The following NRXN3 variants were observed in gnomAD, a reference collection of about 807,000 sequenced individuals.
NRXN3 encodes the protein neurexin III.
In NRXN3, 32 loss-of-function variants were observed where a neutral mutation model predicts 137.6. The ratio of observed to expected loss-of-function variants is 0.23; its 90% confidence interval spans 0.18 to 0.31. The LOEUF is 0.31. Among genes scored for constraint, NRXN3 ranks in the 10% least tolerant of loss-of-function variants. The pLI, the probability that NRXN3 is intolerant of heterozygous loss-of-function variation, is 1.00. For synonymous variants in NRXN3, 798 were observed against 784.5 expected (o/e 1.02, Z -0.29); for missense variants, 1,574 against 2,062.5 (o/e 0.76, Z 4.59).
At chr14:79,496,318 C>T (rs775606129) in intron 16 of NRXN3, among the ~76,000 whole-genome samples, 25 of 151,830 alleles carry the variant, frequency 1.6e-4, no homozygotes, top group Admixed American at 5.3e-4. Context: ...TAGTTACTAG[C>T]GCAGTAAGAG....
intron 15 of NRXN3, among the ~76,000 whole-genome samples, chr14:78,999,141 T>C (rs908137543): frequency 1.3e-5 from 2 of 152,168 alleles, no homozygotes; most frequent in Non-Finnish European, 2.9e-5. Context: ...TACCTTGTAG[T>C]GTTTTGGCCA....
chr14:79,782,114 G>A (rs539890274), intron 19 of NRXN3, among the ~76,000 whole-genome samples: 5 of 152,224 alleles, frequency 3.3e-5, no homozygotes, highest in East Asian at 1.9e-4. Context: ...ACTAATGCTC[G>A]AAGTATTAAG....
chr14:78,461,584 G>C (rs1377035727), intron 4 of NRXN3, among the ~76,000 whole-genome samples: 2 of 152,174 alleles, frequency 1.3e-5, no homozygotes, highest in East Asian at 3.9e-4. Context: ...TCCCCTGGGG[G>C]ACCATTTTTA....
At chr14:79,388,146 C>T (rs1238140012) in intron 15 of NRXN3, among the ~76,000 whole-genome samples, 1 of 151,798 alleles carries the variant, frequency 6.6e-6, no homozygotes, top group African/African-American at 2.4e-5. Context: ...GTGGCGTCTT[C>T]CCCCTTATTC....
At chr14:78,730,571 A>G (rs886939316) in intron 8 of NRXN3, among the ~76,000 whole-genome samples, 1 of 152,176 alleles carries the variant, frequency 6.6e-6, no homozygotes, top group African/African-American at 2.4e-5. Flanking sequence ...CTGTTATAAA[A>G]TGTGGGCTGC....
chr14:78,416,461 C>A (rs1463985596), intron 4 of NRXN3, among the ~76,000 whole-genome samples: 2 of 151,962 alleles, frequency 1.3e-5, no homozygotes, highest in African/African-American at 4.8e-5. Flanking sequence ...AGGAGGGTGG[C>A]GACACTGATT....
chr14:78,492,602 A>G (rs1277239782), intron 4 of NRXN3, among the ~76,000 whole-genome samples: 1 of 152,218 alleles, frequency 6.6e-6, no homozygotes, highest in Non-Finnish European at 1.5e-5. Flanking sequence ...GTGTTCACAC[A>G]CACATAAGCC....
chr14:78,482,504 G>A (rs867283380), intron 4 of NRXN3, among the ~76,000 whole-genome samples: 7 of 152,162 alleles, frequency 4.6e-5, no homozygotes, highest in African/African-American at 1.7e-4. Flanking sequence ...TTGAAATGCA[G>A]TCAGGACGTA....
At chr14:79,089,818 A>C (rs1294074256) in intron 15 of NRXN3, among the ~76,000 whole-genome samples, 3 of 152,120 alleles carry the variant, frequency 2.0e-5, no homozygotes, top group Non-Finnish European at 4.4e-5. Context: ...AGAAACACAG[A>C]AAATTCCATG....
chr14:78,852,380 A>T (rs1596497212), intron 10 of NRXN3, among the ~76,000 whole-genome samples: 1 of 152,214 alleles, frequency 6.6e-6, no homozygotes, highest in African/African-American at 2.4e-5. Flanking sequence ...ATTATAAATT[A>T]GCTTATTACT....
At chr14:79,062,148 C>A (rs1195732452) in intron 15 of NRXN3, among the ~76,000 whole-genome samples, 1 of 152,098 alleles carries the variant, frequency 6.6e-6, no homozygotes, top group African/African-American at 2.4e-5. Flanking sequence ...CCATTACCTG[C>A]AAAAACAAGG....
intron 5 of NRXN3, among the ~76,000 whole-genome samples, chr14:78,648,723 G>T (rs2097710569): frequency 6.6e-6 from 1 of 152,166 alleles, no homozygotes; most frequent in African/African-American, 2.4e-5. Context: ...AGGATTTCAT[G>T]ATCATTTATC....
intron 4 of NRXN3, among the ~76,000 whole-genome samples, chr14:78,500,294 G>A (rs1230665812): frequency 1.3e-5 from 2 of 152,074 alleles, no homozygotes; most frequent in Non-Finnish European, 2.9e-5. Flanking sequence ...GTCCTTCCAT[G>A]AATGAATGCT....
intron 4 of NRXN3, among the ~76,000 whole-genome samples, chr14:78,320,420 C>G (rs918291702): frequency 6.6e-6 from 1 of 152,126 alleles, no homozygotes; most frequent in Non-Finnish European, 1.5e-5. Flanking sequence ...GCCTCTGGGT[C>G]GGGCTTGAGG....
chr14:79,639,258 A>G (rs375231221), intron 16 of NRXN3, among the ~76,000 whole-genome samples: 2 of 152,276 alleles, frequency 1.3e-5, no homozygotes, highest in East Asian at 3.9e-4. Flanking sequence ...TGAAGTTTTG[A>G]TATATAGGTA....
At chr14:78,315,071 G>A (rs2078541786) in intron 4 of NRXN3, among the ~76,000 whole-genome samples, 1 of 150,542 alleles carries the variant, frequency 6.6e-6, no homozygotes, top group East Asian at 2.0e-4. Context: ...GAGTGCAGTG[G>A]CATGATCTCA....
chr14:79,213,449 G>A (rs1310082884), intron 15 of NRXN3, among the ~76,000 whole-genome samples: 1 of 152,072 alleles, frequency 6.6e-6, no homozygotes, highest in Non-Finnish European at 1.5e-5. Context: ...AAGACAATGT[G>A]ATCCTTTTCA....
intron 15 of NRXN3, among the ~76,000 whole-genome samples, chr14:79,362,608 T>C (rs892226319): frequency 6.6e-6 from 1 of 152,214 alleles, no homozygotes; most frequent in Non-Finnish European, 1.5e-5. Flanking sequence ...TTGGAACCTA[T>C]GTTTCATAGA....
At chr14:79,151,694 A>T (rs1596516435) in intron 15 of NRXN3, among the ~76,000 whole-genome samples, 1 of 152,016 alleles carries the variant, frequency 6.6e-6, no homozygotes, top group Admixed American at 6.6e-5. Flanking sequence ...GACTCTGATA[A>T]TGGGAATCTC....
Sources: allele counts gnomAD v4.1 joint callset (sites outside exome capture counted in the v4.1 genomes callset), GRCh38; gene constraint gnomAD v4.1.1; transcripts MANE v1.5; gene names NCBI Gene and HGNC (gene_info 2026-07-23, HGNC 2026-07-21).